The following UGT2A2 variants were observed in gnomAD, a reference collection of about 807,000 sequenced individuals.
UGT2A2 encodes the protein UDP glucuronosyltransferase family 2 member A2.
A neutral mutation model predicts 50.7 loss-of-function variants in UGT2A2; 60 were observed. The observed-to-expected ratio is 1.18, with a 90% CI of 0.96 to 1.47. The LOEUF (loss-of-function observed/expected upper bound fraction) is 1.47. UGT2A2 is among the 40% of genes most tolerant of loss of function. The probability of loss-of-function intolerance (pLI) is 0.00; values close to 1 mark genes in which losing one functional copy is unlikely to be tolerated. For missense variants in UGT2A2, 762 were observed against 634.0 expected (o/e 1.20, Z -2.17); for synonymous variants, 242 against 214.6 (o/e 1.13, Z -1.11).
chr4:69,602,594 A>G (rs149915419), intron 1 of UGT2A2, among the ~76,000 whole-genome samples: 2,068 of 137,526 alleles, frequency 0.015, 387 homozygotes, highest in South Asian at 0.087. Context: ...GCTGAATGCA[A>G]AACTATAACA....
At chr4:69,595,353 G>A (rs950569979) in intron 3 of UGT2A2, 104 bp from the exon 4 acceptor site, 2 of 1,325,178 alleles carry the variant, frequency 1.5e-6, no homozygotes, top group African/African-American at 2.9e-5. Context: ...TGGAAGACGG[G>A]AATTACATAA....
chr4:69,607,406 A>G (rs1486798055), intron 1 of UGT2A2, among the ~76,000 whole-genome samples: 1 of 151,962 alleles, frequency 6.6e-6, no homozygotes, highest in Non-Finnish European at 1.5e-5. Context: ...TACACCTTAT[A>G]CAAAAATTAA....
rs537052692 is a variant in UGT2A2, at chr4:69,606,756, C to G, written c.743-7362G>C. Reference sequence around the variant, plus strand: ...ATACAAAATCAATGTGCAAAAATCACAAGCATTCTTATACACCAATAACAG... The same window carrying G: ...ATACAAAATCAATGTGCAAAAATCAGAAGCATTCTTATACACCAATAACAG... On this transcript the variant is annotated intron_variant, in intron 1 of 5. Coordinates refer to ENST00000604629, the MANE Select transcript of UGT2A2 (RefSeq NM_001105677.2). Among the ~76,000 whole-genome samples the G allele has an allele frequency of 3.3e-4, 45 of 136,776 alleles. 12 individuals carry two copies. Among genetic ancestry groups the G allele is most frequent in the African/African-American group, 1.2e-3 (42 of 33,808 alleles). 89.7% of individuals were successfully genotyped at this position (136,776 alleles called of 152,430 possible).
At chr4:69,596,947 C>T (rs535882085) in intron 2 of UGT2A2, among the ~76,000 whole-genome samples, 10 of 152,300 alleles carry the variant, frequency 6.6e-5, no homozygotes, top group Non-Finnish European at 1.2e-4. Context: ...AGGGACAACT[C>T]TTCTCATGCT....
At position 69,599,360 on chromosome 4, in the gene UGT2A2, T is replaced by C; in HGVS notation, c.777A>G (p.Lys259=). The stretch of plus-strand genomic sequence containing the variant: ...ATGTTCGGATTAACCAAATTTCAGC[T>C]TTCCCCATAGTCTCACATAACGTAG... ...RPTTLCETMG[K]AEIWLIRTYW... Residue 259 remains lysine, a synonymous_variant, in exon 2 of 6, where the codon AAA becomes AAG. Transcript: ENST00000604629. The C allele has an allele frequency of 6.2e-7, 1 of 1,613,788 alleles. No individual in the cohort carries two copies. The highest frequency in any genetic ancestry group is 8.5e-7 in the Non-Finnish European group (1 of 1,179,896).
chr4:69,595,198 G>T lies in UGT2A2; in HGVS notation c.1075C>A (p.Gln359Lys). 6.2e-7 allele frequency: 1 copy of T among 1,613,836 alleles called. No individual in the cohort carries two copies. Among genetic ancestry groups the T allele is most frequent in the Non-Finnish European group, 8.5e-7 (1 of 1,179,850 alleles). ...KKPATLGNNT[Q>K]LFDWIPQNDL... ...TTCTGGGGTATCCAATCAAAGAGCT[G>T]AGTATTGTTTCCTAATGTGGCTGGT... Residue 359 changes from glutamine to lysine, a missense_variant, in exon 4 of 6, where the codon CAG (glutamine) becomes AAG (lysine). Transcript: ENST00000604629.
In UGT2A2 at chr4:69,606,075, A is replaced by G. The variant is rs191973738; in HGVS notation, c.743-6681T>C. Among the ~76,000 whole-genome samples, 20 of 136,144 alleles carry G rather than the reference A, an allele frequency of 1.5e-4. 2 individuals carry two copies. The highest frequency in any genetic ancestry group is 1.7e-4 in the Non-Finnish European group (11 of 63,996). The allele number at this position is 136,144 out of a possible 152,430, so 89.3% of individuals were successfully genotyped here. A position where few individuals can be genotyped will look rare whatever the true frequency, so the allele number is the denominator to read the frequency against. On this transcript the variant is annotated intron_variant, in intron 1 of 5. Transcript: ENST00000604629. Reference sequence around the variant, plus strand: ...GGAATCCTCCTTAAATCATTTTATGAGTCCAGCATCATCCTGATATCAAAG... The same window carrying G: ...GGAATCCTCCTTAAATCATTTTATGGGTCCAGCATCATCCTGATATCAAAG...
intron 1 of UGT2A2, among the ~76,000 whole-genome samples, chr4:69,620,222 AT>A (rs896797404): frequency 3.3e-5 from 5 of 152,018 alleles, no homozygotes; most frequent in African/African-American, 1.2e-4. Flanking sequence ...ATGATTCTAT[AT>A]GTAGAAAACC....
At position 69,634,168 on chromosome 4, in the gene UGT2A2, C is replaced by G. The variant is rs575664627; in HGVS notation, c.742+4731G>C. Among the ~76,000 whole-genome samples, 7 of 152,132 alleles carry G rather than the reference C, an allele frequency of 4.6e-5. No homozygotes were observed. In the East Asian group the frequency reaches 1.4e-3, roughly 30 times the overall value. On this transcript the variant is annotated intron_variant, in intron 1 of 5. Transcript: ENST00000604629. ...GCTGAGGCAGGAGAATGGCGTGAAC[C>G]CGGGAGGCGGAGCTTGCAGTGAGCC...
intron 5 of UGT2A2, among the ~76,000 whole-genome samples, chr4:69,593,559 C>T (rs1718710135): frequency 1.3e-5 from 2 of 150,924 alleles, no homozygotes; most frequent in Admixed American, 1.3e-4. Flanking sequence ...TATATATAGA[C>T]TTATATATAT....
Position 69,589,581 on chromosome 4 carries a change from C to T in UGT2A2, c.1402G>A (p.Val468Ile), listed in dbSNP as rs201031939. The change falls in exon 6 of 6, where the codon GTC becomes ATC. Residue 468 changes from valine (V) to isoleucine (I), a missense_variant. Val to Ile is a conservative substitution (Grantham distance 29, BLOSUM62 3). Coordinates refer to ENST00000604629, the MANE Select transcript of UGT2A2 (RefSeq NM_001105677.2). ...CGCATGACAAACTCGATCCAGAAGA[C>T]TGCTCGATCCAGGGGCTTTACAGGT... ...DQPVKPLDRA[V>I]FWIEFVMRHK... 46 of 1,614,048 alleles carry T rather than the reference C, an allele frequency of 2.8e-5. No homozygotes were observed. In the African/African-American group the frequency reaches 5.2e-4, roughly 18 times the overall value.
rs2109897726 is a variant in UGT2A2 at position 69,602,790 on chromosome 4, A to C, written c.743-3396T>G. Among the ~76,000 whole-genome samples the C allele has an allele frequency of 1.5e-5, 2 of 137,620 alleles. 1 individual carries two copies. The highest frequency in any genetic ancestry group is 4.1e-4 in the East Asian group (2 of 4,894). 90.3% of individuals were successfully genotyped at this position (137,620 alleles called of 152,430 possible). A position where few individuals can be genotyped will look rare whatever the true frequency, so the allele number is the denominator to read the frequency against. ...AACTTGTTCACAGATAAGAAGATCAAAATTCATAAAGATGTCCATTCTCTA... is the reference window on the plus strand; with the variant it reads ...AACTTGTTCACAGATAAGAAGATCACAATTCATAAAGATGTCCATTCTCTA... On this transcript the variant is annotated intron_variant, in intron 1 of 5. Coordinates refer to ENST00000604629, the MANE Select transcript of UGT2A2 (RefSeq NM_001105677.2).
chr4:69,598,568 G>T (rs1719069306), intron 2 of UGT2A2, among the ~76,000 whole-genome samples: 1 of 152,090 alleles, frequency 6.6e-6, no homozygotes, highest in African/African-American at 2.4e-5. Context: ...TTATGCTGAT[G>T]AATCTGAATC....
Position 69,589,228 on chromosome 4 carries a change from T to C in UGT2A2, c.*144A>G. ...CAAAATCTAGGCTTTATCAGTAGGCTTATCGCAGGTAGAGAAATAGAAAAT... is the reference window on the plus strand; with the variant it reads ...CAAAATCTAGGCTTTATCAGTAGGCCTATCGCAGGTAGAGAAATAGAAAAT... On this transcript the variant is annotated 3_prime_UTR_variant, in exon 6 of 6. Transcript: ENST00000604629. 1 of 1,071,850 alleles carries C rather than the reference T, an allele frequency of 9.3e-7. No homozygotes were observed. The highest frequency in any genetic ancestry group is 1.3e-6 in the Non-Finnish European group (1 of 784,284). 66.4% of individuals were successfully genotyped at this position (1,071,850 alleles called of 1,614,324 possible).
At chr4:69,606,372 A>G in intron 1 of UGT2A2, among the ~76,000 whole-genome samples, 1 of 136,398 alleles carries the variant, frequency 7.3e-6, no homozygotes, top group Non-Finnish European at 1.6e-5. Context: ...AAATTCAACA[A>G]CGCTTCATGC....
intron 1 of UGT2A2, among the ~76,000 whole-genome samples, chr4:69,616,047 C>T (rs999086715): frequency 1.3e-5 from 2 of 151,944 alleles, no homozygotes; most frequent in African/African-American, 4.8e-5. Flanking sequence ...AAGTGAAAAT[C>T]CCGTCATTTG....
intron 1 of UGT2A2, among the ~76,000 whole-genome samples, chr4:69,613,518 TAAC>T (rs1207190655): frequency 1.3e-5 from 2 of 151,256 alleles, no homozygotes; most frequent in African/African-American, 2.4e-5. Context: ...ACAACAACAG[TAAC>T]AACAACAACA....
chr4:69,637,726 C>A (rs1042638075), intron 1 of UGT2A2, among the ~76,000 whole-genome samples: 2 of 152,014 alleles, frequency 1.3e-5, no homozygotes, highest in African/African-American at 4.8e-5. Flanking sequence ...TTGGTTGTCT[C>A]CTCTCATGAG....
At chr4:69,599,954 A>C (rs1719171540) in intron 1 of UGT2A2, among the ~76,000 whole-genome samples, 1 of 152,214 alleles carries the variant, frequency 6.6e-6, no homozygotes, top group South Asian at 2.1e-4. Flanking sequence ...AATCAGAGGC[A>C]TTGCTAGCAT....
Sources: allele counts gnomAD v4.1 joint callset (sites outside exome capture counted in the v4.1 genomes callset), GRCh38; gene constraint gnomAD v4.1.1; transcripts MANE v1.5; gene names NCBI Gene and HGNC (gene_info 2026-07-23, HGNC 2026-07-21).